MUC13: variants seen among roughly 807,000 people sequenced by gnomAD.
MUC13 encodes mucin 13, cell surface associated.
Under a neutral mutation model 48.3 loss-of-function variants are expected in MUC13, and 32 were observed. That is an observed-to-expected ratio of 0.66 (90% confidence interval 0.50 to 0.89). MUC13 has a LOEUF of 0.89. MUC13 is among the 40% of genes least tolerant of loss of function. MUC13 has a pLI of 0.00. For missense variants in MUC13, 571 were observed against 622.8 expected (o/e 0.92, Z 0.88); for synonymous variants, 199 against 224.9 (o/e 0.88, Z 1.03).
intron 3 of MUC13, 69 bp from the exon 4 acceptor site, chr3:124,922,372 CAT>C (rs1935613033): frequency 6.5e-7 from 1 of 1,530,592 alleles, no homozygotes; most frequent in Non-Finnish European, 8.8e-7. Context: ...TGTTTTAAAA[CAT>C]AGATTATTTT....
chr3:124,917,244 G>T (rs1039354410), intron 5 of MUC13, among the ~76,000 whole-genome samples: 4 of 152,034 alleles, frequency 2.6e-5, no homozygotes, highest in Admixed American at 6.6e-5. Flanking sequence ...GAAACAGGGG[G>T]AAAAATGACT....
chr3:124,920,198 C>A, intron 5 of MUC13, 36 bp downstream of exon 5: 4 of 1,569,786 alleles, frequency 2.5e-6, no homozygotes, highest in Non-Finnish European at 3.5e-6. Flanking sequence ...TAGACAGACA[C>A]ACATCTGCCT....
At chr3:124,915,619 C>T (rs917626126) in intron 6 of MUC13, among the ~76,000 whole-genome samples, 27 of 152,174 alleles carry the variant, frequency 1.8e-4, no homozygotes, top group African/African-American at 6.5e-4. Context: ...TTGTTTTTGG[C>T]CACTACCTTC....
rs759777897 is a variant in MUC13 at position 124,913,590 on chromosome 3, C to T, written c.1056G>A (p.Arg352=). ...LACDCKSDLQ[R]PNPQSPFCVA... ...CGCAGAAAGGGCTCTGTGGGTTAGG[C>T]CTTTGCAGGTCAGATTTGCAATCGC... Residue 352 remains arginine (R), a synonymous_variant, in exon 7 of 12, where the codon AGG becomes AGA. Transcript: ENST00000616727. The T allele has an allele frequency of 4.3e-6, 7 of 1,614,064 alleles. No homozygotes were observed. The highest frequency in any genetic ancestry group is 5.9e-6 in the Non-Finnish European group (7 of 1,180,038).
chr3:124,908,710 A>G (rs895440827), intron 10 of MUC13, among the ~76,000 whole-genome samples: 1 of 152,238 alleles, frequency 6.6e-6, no homozygotes, highest in African/African-American at 2.4e-5. Context: ...CTGGACTTCA[A>G]TGCTGATCCA....
rs913215320 is a variant in MUC13 at position 124,913,191 on chromosome 3, G to A, written c.1134C>T (p.Cys378=). The A allele has an allele frequency of 5.0e-6, 8 of 1,613,966 alleles. No homozygotes were observed. The highest frequency in any genetic ancestry group is 4.0e-5 in the African/African-American group (3 of 74,894). ...GGGCCCCACCACTCTTCTTTATTAA[G>A]CATTGCTTGTGCTGTGCGTTGCAGG... The part of the protein sequence containing the change: ...PDACNAQHKQ[C]LIKKSGGAPE... The change falls in exon 8 of 12, where the codon TGC becomes TGT. Residue 378 remains cysteine (C), a synonymous_variant. Coordinates refer to ENST00000616727, the MANE Select transcript of MUC13 (RefSeq NM_033049.4).
At position 124,920,188 on chromosome 3, in the gene MUC13, TAGAC is replaced by T. The variant is rs950184972; in HGVS notation, c.800+42_800+45del. The T allele has an allele frequency of 4.6e-6, 7 of 1,528,138 alleles. No individual in the cohort carries two copies. The Admixed American group carries it at 5.2e-5, about 11-fold the overall frequency. The allele number at this position is 1,528,138 out of a possible 1,614,324, so 94.7% of individuals were successfully genotyped here. ...CAGACCTCAAGAGAAGCTCGGAAGT[TAGAC>T]AGACACACATCTGCCTCCAAAATTG... On this transcript the variant is annotated intron_variant, in intron 5 of 11. Coordinates refer to ENST00000616727, the MANE Select transcript of MUC13 (RefSeq NM_033049.4).
chr3:124,920,612 A>G (rs1004187375), intron 4 of MUC13, among the ~76,000 whole-genome samples: 2 of 152,220 alleles, frequency 1.3e-5, no homozygotes, highest in Admixed American at 1.3e-4. Context: ...TGGTTCCCCC[A>G]GGAACATCAA....
chr3:124,929,480 T>A (rs1028683749), intron 1 of MUC13, among the ~76,000 whole-genome samples: 1 of 152,214 alleles, frequency 6.6e-6, no homozygotes, highest in Admixed American at 6.5e-5. Flanking sequence ...CAGAATATGC[T>A]TCCTGATTCC....
In MUC13 at chr3:124,908,255, A is replaced by C; in HGVS notation, c.1431T>G (p.Leu477=). The change falls in exon 11 of 12, where the codon CTT becomes CTG. Residue 477 remains leucine (L), a synonymous_variant. Coordinates refer to ENST00000616727, the MANE Select transcript of MUC13 (RefSeq NM_033049.4). ...TAGGAAAGACGCTCCCTTCTGCTCC[A>C]AGATTGGTGAAGCCTGTCGACCGCA... ...LKLRSTGFTN[L]GAEGSVFPKV... 7 of 1,614,164 alleles carry C rather than the reference A, an allele frequency of 4.3e-6. No individual in the cohort carries two copies. The highest frequency in any genetic ancestry group is 5.1e-6 in the Non-Finnish European group (6 of 1,180,036).
At chr3:124,921,855 T>C (rs945195275) in intron 4 of MUC13, among the ~76,000 whole-genome samples, 6 of 152,272 alleles carry the variant, frequency 3.9e-5, no homozygotes, top group Admixed American at 3.9e-4. Context: ...TATCTGTCCA[T>C]TTAAAACTGT....
At position 124,913,570 on chromosome 3, in the gene MUC13, A is replaced by T; in HGVS notation, c.1076T>A (p.Phe359Tyr). 1 of 1,614,238 alleles carries T rather than the reference A, an allele frequency of 6.2e-7. No individual in the cohort carries two copies. Among genetic ancestry groups the T allele is most frequent in the Non-Finnish European group, 8.5e-7 (1 of 1,180,026 alleles). Reference sequence around the variant, plus strand: ...GCAGGTGAAACACTTACCAACGCAGAAAGGGCTCTGTGGGTTAGGCCTTTG... The same window carrying T: ...GCAGGTGAAACACTTACCAACGCAGTAAGGGCTCTGTGGGTTAGGCCTTTG... ...DLQRPNPQSP[F>Y]CVASSLKCPD... Residue 359 changes from phenylalanine to tyrosine, a missense_variant, in exon 7 of 12, where the codon TTC (phenylalanine) becomes TAC (tyrosine). By Grantham distance (22) the Phe-to-Tyr change is conservative (BLOSUM62 3). Transcript: ENST00000616727.
intron 6 of MUC13, among the ~76,000 whole-genome samples, chr3:124,914,878 A>G (rs552151195): frequency 6.6e-6 from 1 of 152,204 alleles, no homozygotes; most frequent in African/African-American, 2.4e-5. Flanking sequence ...GTGAGCCAAG[A>G]TCATCCCACT....
Position 124,931,402 on chromosome 3 carries a change from A to C in MUC13, c.52+3259T>G, listed in dbSNP as rs532058468. On this transcript the variant is annotated intron_variant, in intron 1 of 11. Transcript: ENST00000616727. ...GCCAAGATCGTGACAACTGCACTCC[A>C]GCCTGGCAACAGAGCGAGACTCTGT... 4.1e-5 allele frequency among the ~76,000 whole-genome samples: 6 copies of C among 145,320 alleles called. No individual in the cohort carries two copies. In the East Asian group the frequency reaches 1.2e-3, roughly 30 times the overall value.
chr3:124,908,050 T>G, intron 11 of MUC13, 97 bp downstream of exon 11: 1 of 1,193,386 alleles, frequency 8.4e-7, no homozygotes, highest in Non-Finnish European at 1.2e-6. Context: ...AAAGAAAGCC[T>G]GCGGGGCAGC....
intron 9 of MUC13, 134 bp from the exon 10 acceptor site, chr3:124,910,633 G>T: frequency 1.5e-6 from 2 of 1,373,810 alleles, no homozygotes; most frequent in Non-Finnish European, 1.9e-6. Flanking sequence ...TCCAGGCCAG[G>T]TTGGGTAGTT....
At chr3:124,917,732 A>T (rs1026306569) in intron 5 of MUC13, among the ~76,000 whole-genome samples, 4 of 49,666 alleles carry the variant, frequency 8.1e-5, no homozygotes, top group Non-Finnish European at 1.1e-4. Flanking sequence ...TTCATTTATG[A>T]TGGGATTTGG....
chr3:124,910,436 A>G lies in MUC13; in HGVS notation c.1316T>C (p.Ile439Thr). 6.2e-7 allele frequency: 1 copy of G among 1,614,152 alleles called. No individual in the cohort carries two copies. The highest frequency in any genetic ancestry group is 1.6e-4 in the Middle Eastern group (1 of 6,062). Residue 439 changes from isoleucine (I) to threonine (T), a missense_variant, in exon 10 of 12, where the codon ATT becomes ACT. Physicochemically the swap from Ile to Thr is moderately conservative, Grantham distance 89. Coordinates refer to ENST00000616727, the MANE Select transcript of MUC13 (RefSeq NM_033049.4). ...IAGIVILSMI[I>T]ALIVTARSNN... ...ATACCTTGCTGTGACAATCAATGCA[A>G]TTATCATGCTGAGAATGACAATGCC... is the stretch of plus-strand genomic sequence containing the variant.
chr3:124,909,180 C>G (rs1055333501), intron 10 of MUC13, among the ~76,000 whole-genome samples: 1 of 151,024 alleles, frequency 6.6e-6, no homozygotes, highest in African/African-American at 2.4e-5. Context: ...AAAACAAGAA[C>G]AAAATATTGT....
Sources: gnomAD v4.1 joint callset for allele counts (sites outside exome capture counted in the v4.1 genomes callset) on GRCh38, gnomAD v4.1.1 for gene constraint, MANE v1.5 for transcripts, NCBI Gene and HGNC (gene_info 2026-07-23, HGNC 2026-07-21) for gene names.